The following CDK6 variants were observed in gnomAD, a reference collection of about 807,000 sequenced individuals.
The protein encoded by CDK6 is cyclin-dependent kinase 6.
In CDK6, 6 loss-of-function variants were observed where a neutral mutation model predicts 37.1. The observed-to-expected ratio is 0.16, with a 90% CI of 0.09 to 0.32. The LOEUF is 0.32. CDK6 is among the 10% of genes least tolerant of loss of function. CDK6 has a pLI of 1.00. For synonymous variants in CDK6, 160 were observed against 161.3 expected (o/e 0.99, Z 0.06); for missense variants, 224 against 418.9 (o/e 0.53, Z 4.06).
At chr7:92,725,426 C>CA in intron 4 of CDK6, 200 bp downstream of exon 4, 1 of 740,420 alleles carries the variant, frequency 1.4e-6, no homozygotes, top group African/African-American at 1.9e-5. Context: ...ATCCTGTCCA[C>CA]AACAAGCCCA....
rs141399357 is a variant in CDK6 at position 92,718,541 on chromosome 7, A to G, written c.537+7085T>C. ...GTTCTCCGATCTCTGGTCCTGCTTCACTTTGTCACTTGGTGGTGCCAACTG... is the reference window on the plus strand; with the variant it reads ...GTTCTCCGATCTCTGGTCCTGCTTCGCTTTGTCACTTGGTGGTGCCAACTG... On this transcript the variant is annotated intron_variant, in intron 4 of 7. Transcript: ENST00000424848. 1.5e-4 allele frequency among the ~76,000 whole-genome samples: 23 copies of G among 152,282 alleles called. No individual in the cohort carries two copies. In the East Asian group the frequency reaches 4.2e-3, roughly 28 times the overall value.
chr7:92,788,841 G>T (rs1026131193), intron 2 of CDK6, among the ~76,000 whole-genome samples: 1 of 152,136 alleles, frequency 6.6e-6, no homozygotes, highest in African/African-American at 2.4e-5. Flanking sequence ...AAGCAGCCAG[G>T]CATGGTGGCT....
intron 5 of CDK6, among the ~76,000 whole-genome samples, chr7:92,663,701 CAA>C (rs113184787): frequency 3.4e-5 from 4 of 118,488 alleles, no homozygotes; most frequent in Admixed American, 2.5e-4. Flanking sequence ...ACTCTGTCTC[CAA>C]AAAAAAAAAA....
intron 2 of CDK6, among the ~76,000 whole-genome samples, chr7:92,832,359 A>G (rs569797500): frequency 2.0e-5 from 3 of 152,354 alleles, no homozygotes; most frequent in East Asian, 1.9e-4. Flanking sequence ...TGATCTAACC[A>G]TACCACATCT....
chr7:92,635,439 C>T (rs570531435), intron 5 of CDK6, among the ~76,000 whole-genome samples: 151 of 152,262 alleles, frequency 9.9e-4, no homozygotes, highest in Non-Finnish European at 1.9e-3. Flanking sequence ...AATCTCTGCT[C>T]ATCTGCTAAA....
intron 4 of CDK6, among the ~76,000 whole-genome samples, chr7:92,717,889 T>A (rs958816017): frequency 6.6e-6 from 1 of 152,226 alleles, no homozygotes; most frequent in Non-Finnish European, 1.5e-5. Flanking sequence ...TGGCAGAAAT[T>A]CTCACAGTGG....
intron 3 of CDK6, among the ~76,000 whole-genome samples, chr7:92,760,850 T>C (rs1429163864): frequency 1.3e-5 from 2 of 152,116 alleles, no homozygotes; most frequent in East Asian, 3.9e-4. Flanking sequence ...TCCTATGAGA[T>C]GTATTCATTT....
chr7:92,735,830 T>C (rs1798772008), intron 3 of CDK6, among the ~76,000 whole-genome samples: 1 of 152,182 alleles, frequency 6.6e-6, no homozygotes, highest in African/African-American at 2.4e-5. Flanking sequence ...GAGTCTTTCT[T>C]TAGCAAAAAA....
chr7:92,722,228 T>G (rs1021909559), intron 4 of CDK6, among the ~76,000 whole-genome samples: 26 of 152,190 alleles, frequency 1.7e-4, no homozygotes, highest in Non-Finnish European at 7.3e-5. Context: ...TTCTTTCATT[T>G]AGAGGATGTT....
chr7:92,727,324 G>A (rs1397204478), intron 3 of CDK6, among the ~76,000 whole-genome samples: 17 of 152,172 alleles, frequency 1.1e-4, no homozygotes, highest in Admixed American at 7.2e-4. Flanking sequence ...TCCTCTCATC[G>A]AGAACAGTAT....
intron 5 of CDK6, among the ~76,000 whole-genome samples, chr7:92,649,770 A>G (rs965250084): frequency 6.6e-6 from 1 of 152,198 alleles, no homozygotes. Flanking sequence ...TGGCTCCAAC[A>G]TCAACTCCTG....
intron 4 of CDK6, among the ~76,000 whole-genome samples, chr7:92,716,128 A>T (rs549296596): frequency 8.5e-5 from 13 of 152,328 alleles, no homozygotes; most frequent in Admixed American, 3.9e-4. Context: ...AAAACAAATT[A>T]AAAAAATTTT....
At chr7:92,823,130 C>T (rs945953618) in intron 2 of CDK6, among the ~76,000 whole-genome samples, 1 of 151,206 alleles carries the variant, frequency 6.6e-6, no homozygotes, top group Non-Finnish European at 1.5e-5. Flanking sequence ...ACCATCTTTC[C>T]TAAACAAAGA....
intron 3 of CDK6, among the ~76,000 whole-genome samples, chr7:92,774,160 A>T (rs1799785828): frequency 6.6e-6 from 1 of 152,222 alleles, no homozygotes. Flanking sequence ...GGAGTTTGGC[A>T]TAGTATCTGG....
intron 5 of CDK6, among the ~76,000 whole-genome samples, chr7:92,635,564 G>C (rs1796151155): frequency 6.6e-6 from 1 of 152,176 alleles, no homozygotes; most frequent in African/African-American, 2.4e-5. Flanking sequence ...AACCTGCTCA[G>C]TAAAAGTAAG....
intron 2 of CDK6, among the ~76,000 whole-genome samples, chr7:92,796,711 GTAACTGTT>G (rs1468740577): frequency 6.6e-6 from 1 of 151,946 alleles, no homozygotes; most frequent in Non-Finnish European, 1.5e-5. Flanking sequence ...TTATATTTTA[GTAACTGTT>G]TAATCATAGA....
chr7:92,615,015 A>C lies in CDK6; in HGVS notation c.*125T>G. The C allele has an allele frequency of 1.1e-6, 1 of 931,980 alleles. No homozygotes were observed. Among genetic ancestry groups the C allele is most frequent in the Non-Finnish European group, 1.6e-6 (1 of 622,626 alleles). The allele number at this position is 931,980 out of a possible 1,614,324, so 57.7% of individuals were successfully genotyped here. ...TTCCTTGGAGAAGCAGAGCCTGTCC[A>C]GAAGACAGCAGCTGGAAGGCCTCCA... On this transcript the variant is annotated 3_prime_UTR_variant, in exon 8 of 8. Transcript: ENST00000424848.
chr7:92,702,946 A>C (rs1428741999), intron 4 of CDK6, among the ~76,000 whole-genome samples: 2 of 152,202 alleles, frequency 1.3e-5, no homozygotes, highest in Non-Finnish European at 2.9e-5. Context: ...GCTTCCATCC[A>C]CTGGATGTCA....
chr7:92,789,422 A>G lies in CDK6; in HGVS notation c.234-14591T>C, dbSNP rs1235664211. On this transcript the variant is annotated intron_variant, in intron 2 of 7. Transcript: ENST00000424848. ...TTTGTAACTTTTAAAATATGATTTA[A>G]AAAACAAATGCATAGGACAGTAATT... is the stretch of plus-strand genomic sequence containing the variant. 5.9e-5 allele frequency among the ~76,000 whole-genome samples: 9 copies of G among 152,366 alleles called. No homozygotes were observed. In the South Asian group the frequency reaches 1.7e-3, roughly 28 times the overall value.
Sources: allele counts gnomAD v4.1 joint callset (sites outside exome capture counted in the v4.1 genomes callset), GRCh38; gene constraint gnomAD v4.1.1; transcripts MANE v1.5; gene names NCBI Gene and HGNC (gene_info 2026-07-23, HGNC 2026-07-21).